Variants in FRMD6 observed in about 807,000 individuals in gnomAD.
The protein encoded by FRMD6 is FERM domain containing 6.
In FRMD6, 37 loss-of-function variants were observed where a neutral mutation model predicts 73.2. The ratio of observed to expected loss-of-function variants is 0.51; its 90% CI spans 0.39 to 0.66. The LOEUF (loss-of-function observed/expected upper bound fraction) is 0.66, where lower values mean the gene tolerates loss of function less well. Among genes scored for constraint, FRMD6 ranks in the 30% least tolerant of loss-of-function variants. The pLI, the probability that FRMD6 is intolerant of heterozygous loss-of-function variation, is 0.00. For missense variants in FRMD6, 714 were observed against 780.5 expected (o/e 0.91, Z 1.02); for synonymous variants, 273 against 282.2 (o/e 0.97, Z 0.33).
At chr14:51,396,704 G>T in the FRMD6 span, among the ~76,000 whole-genome samples, 1 of 152,166 alleles carries the variant, frequency 6.6e-6, no homozygotes. Context: ...CCAGTTTTCT[G>T]AATATTAAAA....
intron 1 of FRMD6, among the ~76,000 whole-genome samples, chr14:51,652,674 C>A (rs895836609): frequency 5.3e-5 from 8 of 152,202 alleles, no homozygotes; most frequent in African/African-American, 1.9e-4. Context: ...GGGTGAGATA[C>A]GAGTTGGGGG....
chr14:51,473,191 C>T, the FRMD6 span, among the ~76,000 whole-genome samples: 1 of 152,134 alleles, frequency 6.6e-6, no homozygotes, highest in Non-Finnish European at 1.5e-5. Flanking sequence ...TAGGGCTGTA[C>T]TAGCCTTGGA....
chr14:51,641,890 C>G (rs1891827582), intron 2 of FRMD6, among the ~76,000 whole-genome samples: 1 of 151,250 alleles, frequency 6.6e-6, no homozygotes, highest in African/African-American at 2.4e-5. Flanking sequence ...ACCAAAAATA[C>G]CTCCAGACAT....
chr14:51,680,616 C>CT (rs201708669), intron 1 of FRMD6, among the ~76,000 whole-genome samples: 4,741 of 151,044 alleles, frequency 0.031, 89 homozygotes, highest in Middle Eastern at 0.051. Context: ...CTTTTTCTTG[C>CT]TTTTTTTTTC....
At chr14:51,542,437 T>C (rs1167527071) in intron 1 of FRMD6, among the ~76,000 whole-genome samples, 3 of 152,074 alleles carry the variant, frequency 2.0e-5, no homozygotes, top group African/African-American at 7.2e-5. Flanking sequence ...TCAAGATTCA[T>C]CCATTTGTAT....
intron 2 of FRMD6, among the ~76,000 whole-genome samples, chr14:51,646,768 C>G (rs1483048201): frequency 6.6e-6 from 1 of 151,530 alleles, no homozygotes; most frequent in African/African-American, 2.4e-5. Flanking sequence ...GGTAAAGTCT[C>G]ATGCATAAGG....
the FRMD6 span, among the ~76,000 whole-genome samples, chr14:51,452,023 G>A: frequency 6.6e-6 from 1 of 152,220 alleles, no homozygotes; most frequent in Admixed American, 6.5e-5. Context: ...AAGCAGGGCA[G>A]AGATGGGGTG....
chr14:51,433,462 T>C, the FRMD6 span, among the ~76,000 whole-genome samples: 6 of 152,216 alleles, frequency 3.9e-5, no homozygotes, highest in African/African-American at 7.2e-5. Flanking sequence ...TAGTATACTA[T>C]GCTTGATGTG....
intron 1 of FRMD6, among the ~76,000 whole-genome samples, chr14:51,548,320 C>T (rs2139416472): frequency 6.6e-6 from 1 of 152,288 alleles, no homozygotes; most frequent in South Asian, 2.1e-4. Flanking sequence ...CCACTTTCTT[C>T]CTGGGACCTT....
the FRMD6 span, among the ~76,000 whole-genome samples, chr14:51,470,424 C>T: frequency 2.0e-5 from 3 of 151,872 alleles, no homozygotes; most frequent in Non-Finnish European, 2.9e-5. Flanking sequence ...TGCTTGAACC[C>T]GGGAGGCGGA....
chr14:51,711,394 C>CTT, intron 7 of FRMD6, 137 bp from the exon 8 acceptor site: 1 of 525,170 alleles, frequency 1.9e-6, no homozygotes, highest in African/African-American at 1.9e-5. Flanking sequence ...TGTGGAAAGG[C>CTT]TTGAGCAAAG....
At chr14:51,710,964 C>T (rs932636606) in intron 7 of FRMD6, among the ~76,000 whole-genome samples, 1 of 151,946 alleles carries the variant, frequency 6.6e-6, no homozygotes, top group Non-Finnish European at 1.5e-5. Context: ...TAAGTATTTC[C>T]AAACTATCTG....
intron 1 of FRMD6, among the ~76,000 whole-genome samples, chr14:51,659,103 A>T (rs1421271818): frequency 6.6e-6 from 1 of 152,220 alleles, no homozygotes; most frequent in Non-Finnish European, 1.5e-5. Flanking sequence ...AATGATAGGA[A>T]TGAGGTCTTC....
rs555756881 is a variant in FRMD6, at chr14:51,629,042, A to C, written c.-147+58632A>C. On this transcript the variant is annotated intron_variant, in intron 2 of 14. Transcript: ENST00000356218. The stretch of plus-strand genomic sequence containing the variant: ...CAGACGCCCGCCACCACGCCCGGCT[A>C]ATTTTTTGTATTTTTAGTAGAGACG... Among the ~76,000 whole-genome samples the C allele has an allele frequency of 9.9e-5, 15 of 151,550 alleles. No individual in the cohort carries two copies. The South Asian group carries it at 3.1e-3, about 32-fold the overall frequency.
rs60645562 is a variant in FRMD6 at position 51,688,159 on chromosome 14, T to C, written c.-146-1532T>C. On this transcript the variant is annotated intron_variant, in intron 1 of 13. Transcript: ENST00000344768. ...TGGATGAGTAGCTTGGGGCATAGTT[T>C]GTGGTCCTAGAACACATGGGTTAAC... 7.6e-3 allele frequency among the ~76,000 whole-genome samples: 1,150 copies of C among 152,166 alleles called. 21 individuals are homozygous for C. Among genetic ancestry groups the C allele is most frequent in the African/African-American group, 0.026 (1,098 of 41,518 alleles).
rs1416395909 is a variant in FRMD6, at chr14:51,500,351, AC to A, written c.-210+10934del. Among the ~76,000 whole-genome samples, 4 of 152,118 alleles carry A rather than the reference AC, an allele frequency of 2.6e-5. No homozygotes were observed. In the East Asian group the frequency reaches 7.7e-4, roughly 29 times the overall value. ...AGACCAGCTTGACCTACATGGTGAA[AC>A]CCTGTCTCTACTAAAAATACACAAA... On this transcript the variant is annotated intron_variant, in intron 1 of 14. Coordinates refer to the FRMD6 transcript ENST00000356218.
intron 2 of FRMD6, among the ~76,000 whole-genome samples, chr14:51,585,102 C>T (rs1888952545): frequency 6.6e-6 from 1 of 152,322 alleles, no homozygotes; most frequent in Non-Finnish European, 1.5e-5. Context: ...TCAGGGCGTT[C>T]TGTCTCTAGG....
intron 1 of FRMD6, among the ~76,000 whole-genome samples, chr14:51,539,937 G>C (rs1033113678): frequency 6.6e-6 from 1 of 152,166 alleles, no homozygotes; most frequent in Non-Finnish European, 1.5e-5. Flanking sequence ...CCAACCAGCT[G>C]TTCCAGTGAC....
intron 9 of FRMD6, chr14:51,714,748 T>A (rs1450569924): frequency 6.6e-6 from 1 of 152,240 alleles, no homozygotes; most frequent in Non-Finnish European, 1.5e-5. Flanking sequence ...TATAACTCCT[T>A]ATTTATTTCC....
Sources: allele counts gnomAD v4.1 joint callset (sites outside exome capture counted in the v4.1 genomes callset), GRCh38; gene constraint gnomAD v4.1.1; transcripts MANE v1.5; gene names NCBI Gene and HGNC (gene_info 2026-07-23, HGNC 2026-07-21).